Variants in FBXW7 observed in about 807,000 individuals in gnomAD.
FBXW7 encodes F-box and WD repeat domain containing 7, also known as F-box/WD repeat-containing protein 7.
Under a neutral mutation model 86.3 loss-of-function variants are expected in FBXW7, and 11 were observed. The ratio of observed to expected loss-of-function variants is 0.13; its 90% CI spans 0.08 to 0.21. FBXW7 has a LOEUF of 0.21. Ranked by LOEUF, FBXW7 falls within the 10% of genes least tolerant of loss-of-function variation. FBXW7 has a pLI of 1.00. For synonymous variants in FBXW7, 313 were observed against 297.9 expected (o/e 1.05, Z -0.52); for missense variants, 488 against 847.4 (o/e 0.58, Z 5.27).
At chr4:152,463,303 A>T (rs998995801) in intron 2 of FBXW7, among the ~76,000 whole-genome samples, 2 of 152,076 alleles carry the variant, frequency 1.3e-5, no homozygotes, top group Non-Finnish European at 2.9e-5. Context: ...AAAAAAAAAG[A>T]ATGTTTTCTG....
At chr4:152,478,933 G>C (rs1744645975) in intron 2 of FBXW7, among the ~76,000 whole-genome samples, 1 of 151,898 alleles carries the variant, frequency 6.6e-6, no homozygotes, top group African/African-American at 2.4e-5. Flanking sequence ...ACTTTTCTAA[G>C]GTTATAAAAA....
intron 2 of FBXW7, 188 bp from the exon 3 acceptor site, chr4:152,412,717 A>G (rs981244080): frequency 2.6e-5 from 4 of 152,130 alleles, no homozygotes; most frequent in African/African-American, 9.6e-5. Flanking sequence ...AAATATTTTT[A>G]AAAACATGGA....
chr4:152,425,123 T>C (rs1007447095), intron 2 of FBXW7, among the ~76,000 whole-genome samples: 1 of 152,232 alleles, frequency 6.6e-6, no homozygotes, highest in African/African-American at 2.4e-5. Flanking sequence ...TTTTCACTGC[T>C]GCCAAAATAA....
intron 2 of FBXW7, among the ~76,000 whole-genome samples, chr4:152,491,355 GAATA>G (rs1394217553): frequency 2.6e-5 from 4 of 152,194 alleles, no homozygotes; most frequent in Non-Finnish European, 5.9e-5. Flanking sequence ...AAAACAGCAA[GAATA>G]GATATATCTT....
intron 2 of FBXW7, among the ~76,000 whole-genome samples, chr4:152,519,762 C>T (rs982351116): frequency 1.3e-5 from 2 of 152,156 alleles, no homozygotes. Context: ...TCATTTTCCC[C>T]TCCTATGTCA....
intron 2 of FBXW7, among the ~76,000 whole-genome samples, chr4:152,517,995 C>CT (rs1004423380): frequency 2.0e-5 from 3 of 151,720 alleles, no homozygotes; most frequent in African/African-American, 7.3e-5. Context: ...TTATTTTTTT[C>CT]TTTTTTTCTT....
At chr4:152,457,829 T>A (rs1216161111) in intron 2 of FBXW7, among the ~76,000 whole-genome samples, 1 of 151,802 alleles carries the variant, frequency 6.6e-6, no homozygotes, top group African/African-American at 2.4e-5. Context: ...GATGTTACAC[T>A]GATACTGTGG....
chr4:152,512,956 G>A (rs1188772443), intron 2 of FBXW7, among the ~76,000 whole-genome samples: 2 of 152,166 alleles, frequency 1.3e-5, no homozygotes, highest in African/African-American at 4.8e-5. Context: ...CCACCTCCCA[G>A]GTTCCAGCGA....
intron 7 of FBXW7, 195 bp downstream of exon 7, chr4:152,337,607 A>G (rs553464573): frequency 4.9e-4 from 241 of 492,836 alleles, no homozygotes; most frequent in Non-Finnish European, 7.4e-4. Context: ...CTTAGTTCAC[A>G]TGCATTCTTT....
intron 8 of FBXW7, among the ~76,000 whole-genome samples, chr4:152,332,172 T>G (rs568024623): frequency 6.6e-6 from 1 of 152,208 alleles, no homozygotes; most frequent in South Asian, 2.1e-4. Context: ...AAAACAGGTT[T>G]CAAGAACATA....
chr4:152,386,896 T>C, intron 4 of FBXW7, among the ~76,000 whole-genome samples: 1 of 152,214 alleles, frequency 6.6e-6, no homozygotes, highest in East Asian at 1.9e-4. Flanking sequence ...TAAAATGCAT[T>C]ACAAGTCCAA....
At chr4:152,438,239 G>A (rs1194693840) in intron 2 of FBXW7, among the ~76,000 whole-genome samples, 1 of 152,158 alleles carries the variant, frequency 6.6e-6, no homozygotes, top group Admixed American at 6.5e-5. Context: ...GAATGCTATT[G>A]CATACTTAAT....
chr4:152,461,642 G>T (rs1742954574), intron 2 of FBXW7, among the ~76,000 whole-genome samples: 1 of 152,160 alleles, frequency 6.6e-6, no homozygotes, highest in Non-Finnish European at 1.5e-5. Context: ...TCTATTGAAT[G>T]ATTTTCTTTA....
intron 2 of FBXW7, among the ~76,000 whole-genome samples, chr4:152,434,705 C>T (rs926726890): frequency 6.6e-6 from 1 of 151,918 alleles, no homozygotes; most frequent in African/African-American, 2.4e-5. Flanking sequence ...CAGGGTAAGA[C>T]AAAAATCGTT....
chr4:152,342,407 CAAG>C (rs1397971109), intron 6 of FBXW7, among the ~76,000 whole-genome samples: 1 of 152,180 alleles, frequency 6.6e-6, no homozygotes, highest in Non-Finnish European at 1.5e-5. Context: ...TCAAGGACAG[CAAG>C]AATTACTGAG....
At chr4:152,441,010 ATC>A (rs1740847543) in intron 2 of FBXW7, among the ~76,000 whole-genome samples, 1 of 152,066 alleles carries the variant, frequency 6.6e-6, no homozygotes, top group South Asian at 2.1e-4. Flanking sequence ...GCGGCAATAT[ATC>A]TTTCTTATTG....
At chr4:152,398,041 T>G (rs1430724119) in intron 4 of FBXW7, among the ~76,000 whole-genome samples, 2 of 152,082 alleles carry the variant, frequency 1.3e-5, no homozygotes, top group East Asian at 3.9e-4. Flanking sequence ...TTGTTGTTAC[T>G]AAGTAGCAAA....
chr4:152,400,903 C>A lies in FBXW7; in HGVS notation c.501+10400G>T, dbSNP rs72955047. ...ACAAAAGATCTGGACAGACACCTCA[C>A]CAAAGGAGATTTACAGATGGGAAGT... On this transcript the variant is annotated intron_variant, in intron 4 of 13. Coordinates refer to ENST00000281708, the MANE Select transcript of FBXW7 (RefSeq NM_001349798.2). Among the ~76,000 whole-genome samples, 778 of 152,278 alleles carry A rather than the reference C, an allele frequency of 5.1e-3. 9 individuals are homozygous for A. The highest frequency in any genetic ancestry group is 0.018 in the African/African-American group (749 of 41,540).
chr4:152,394,495 A>G (rs1736253009), intron 4 of FBXW7, among the ~76,000 whole-genome samples: 1 of 152,144 alleles, frequency 6.6e-6, no homozygotes, highest in African/African-American at 2.4e-5. Context: ...AGCAGTAACA[A>G]AATGTGCAAT....
Sources: gnomAD v4.1 joint callset for allele counts (sites outside exome capture counted in the v4.1 genomes callset) on GRCh38, gnomAD v4.1.1 for gene constraint, MANE v1.5 for transcripts, NCBI Gene and HGNC (gene_info 2026-07-23, HGNC 2026-07-21) for gene names.